WDR35: variants seen among roughly 807,000 people sequenced by gnomAD.
WDR35 encodes WD repeat-containing protein 35.
In WDR35, 118 loss-of-function variants were observed where a neutral mutation model predicts 158.3. That is an observed-to-expected ratio of 0.75 (90% CI 0.64 to 0.87). The LOEUF (loss-of-function observed/expected upper bound fraction) is 0.87. Among genes scored for constraint, WDR35 ranks in the 40% least tolerant of loss-of-function variants. The pLI is 0.00. For missense variants in WDR35, 1,263 were observed against 1,405.8 expected, an observed-to-expected ratio of 0.90 and a Z score of 1.62; for synonymous variants, 448 against 476.1, an observed-to-expected ratio of 0.94 and a Z score of 0.77.
At chr2:19,972,458 C>T (rs1015194214) in intron 8 of WDR35, among the ~76,000 whole-genome samples, 4 of 151,606 alleles carry the variant, frequency 2.6e-5, no homozygotes, top group Non-Finnish European at 4.4e-5. Context: ...TGGCAACCAA[C>T]AAAAATAACC....
intron 13 of WDR35, 21 bp downstream of exon 13, chr2:19,951,394 G>A (rs1671231323): frequency 1.3e-6 from 2 of 1,582,676 alleles, no homozygotes; most frequent in Non-Finnish European, 8.6e-7. Context: ...AACATTTTCT[G>A]GAAAAATTAA....
chr2:19,949,572 T>C (rs1671169085), intron 13 of WDR35, among the ~76,000 whole-genome samples: 1 of 152,198 alleles, frequency 6.6e-6, no homozygotes, highest in African/African-American at 2.4e-5. Context: ...AATTCAGTTC[T>C]TCAGTTGAAC....
chr2:19,944,334 C>T (rs1387723472), intron 16 of WDR35, among the ~76,000 whole-genome samples: 2 of 152,120 alleles, frequency 1.3e-5, no homozygotes, highest in Non-Finnish European at 2.9e-5. Flanking sequence ...GTTAAAACTA[C>T]TTAAGAAACT....
chr2:19,950,248 A>G (rs899424248), intron 13 of WDR35, among the ~76,000 whole-genome samples: 2 of 152,202 alleles, frequency 1.3e-5, no homozygotes, highest in Non-Finnish European at 2.9e-5. Flanking sequence ...TAGTTTCATG[A>G]AAGCCAAGAA....
intron 8 of WDR35, among the ~76,000 whole-genome samples, chr2:19,970,347 G>A (rs1487157836): frequency 6.6e-6 from 1 of 152,000 alleles, no homozygotes; most frequent in Non-Finnish European, 1.5e-5. Context: ...CACAACCAAC[G>A]AGTCACCAAG....
intron 25 of WDR35, among the ~76,000 whole-genome samples, chr2:19,916,480 G>A (rs1669995447): frequency 6.6e-6 from 1 of 152,232 alleles, no homozygotes; most frequent in African/African-American, 2.4e-5. Flanking sequence ...GTAAGCTCAA[G>A]ATCCACTGGC....
chr2:19,983,084 C>A (rs943624707), intron 2 of WDR35, among the ~76,000 whole-genome samples: 2 of 152,140 alleles, frequency 1.3e-5, no homozygotes, highest in Non-Finnish European at 2.9e-5. Context: ...CTCACATACA[C>A]ATAAATGTAA....
intron 8 of WDR35, 125 bp downstream of exon 8, chr2:19,973,438 T>C: frequency 9.4e-7 from 1 of 1,065,224 alleles, no homozygotes; most frequent in Admixed American, 2.4e-5. Flanking sequence ...ATTTATACTA[T>C]GAAGATGAAA....
intron 13 of WDR35, among the ~76,000 whole-genome samples, chr2:19,950,170 A>C (rs1172258342): frequency 1.3e-5 from 2 of 152,234 alleles, no homozygotes; most frequent in Non-Finnish European, 2.9e-5. Flanking sequence ...TATCACAATA[A>C]GTGATGCATA....
intron 4 of WDR35, 80 bp downstream of exon 4, chr2:19,980,611 G>T: frequency 8.8e-7 from 1 of 1,139,480 alleles, no homozygotes; most frequent in Non-Finnish European, 1.3e-6. Context: ...CTATTTTGGA[G>T]ATGTTATTTA....
At chr2:19,956,264 A>G (rs1215091904) in intron 11 of WDR35, among the ~76,000 whole-genome samples, 1 of 152,236 alleles carries the variant, frequency 6.6e-6, no homozygotes, top group Non-Finnish European at 1.5e-5. Flanking sequence ...ATATAAAAGC[A>G]TTCTTCCAAC....
chr2:19,969,086 G>A (rs1227271067), intron 9 of WDR35, among the ~76,000 whole-genome samples: 2 of 152,218 alleles, frequency 1.3e-5, no homozygotes, highest in African/African-American at 4.8e-5. Context: ...CACAGCCACA[G>A]CTCTTGTGGG....
intron 25 of WDR35, among the ~76,000 whole-genome samples, chr2:19,919,181 C>A (rs1670082134): frequency 6.6e-6 from 1 of 151,948 alleles, no homozygotes. Flanking sequence ...GAGATTGAGA[C>A]CATCCTGGCT....
rs980651389 is a variant in WDR35, at chr2:19,934,375, C to T, written c.2548-864G>A. On this transcript the variant is annotated intron_variant, in intron 21 of 26. Transcript: ENST00000281405. The surrounding 1 kb of genome is among the most constrained non-coding windows in gnomAD (Gnocchi z 4.6). ...GGTGCAATTTCTTAACATCTTTGTC[C>T]TTTGAATATATATGTATATGTTTGT... Among the ~76,000 whole-genome samples the T allele has an allele frequency of 6.6e-6, 1 of 151,970 alleles. No homozygotes were observed. The highest frequency in any genetic ancestry group is 1.5e-5 in the Non-Finnish European group (1 of 67,992).
intron 10 of WDR35, 34 bp from the exon 11 acceptor site, chr2:19,960,648 C>T: frequency 6.7e-7 from 1 of 1,481,932 alleles, no homozygotes; most frequent in Non-Finnish European, 9.4e-7. Flanking sequence ...TATCAGAACT[C>T]CTGCTTATGA....
At chr2:19,929,132 T>C (rs1015221781) in intron 25 of WDR35, among the ~76,000 whole-genome samples, 1 of 152,212 alleles carries the variant, frequency 6.6e-6, no homozygotes, top group Non-Finnish European at 1.5e-5. Context: ...ATCCTTTCTT[T>C]ACACAAAGAG....
At chr2:19,967,011 A>G (rs1671876882) in intron 9 of WDR35, 102 bp from the exon 10 acceptor site, 3 of 1,159,006 alleles carry the variant, frequency 2.6e-6, no homozygotes, top group Non-Finnish European at 3.8e-6. Context: ...CTCTCAAAAT[A>G]TTGCAGATAT....
chr2:19,962,389 CAT>C (rs1671691699), intron 10 of WDR35: 1 of 1,554,588 alleles, frequency 6.4e-7, no homozygotes, highest in Non-Finnish European at 8.8e-7. Flanking sequence ...TCAAAAAAGA[CAT>C]GACTCAACCT....
In WDR35 at chr2:19,948,276, G is replaced by A. The variant is rs561427579; in HGVS notation, c.1471-59C>T. 20 of 1,431,664 alleles carry A rather than the reference G, an allele frequency of 1.4e-5. 1 individual carries two copies. The Admixed American group carries it at 2.6e-4, about 19-fold the overall frequency. The allele number at this position is 1,431,664 out of a possible 1,614,324, so 88.7% of individuals were successfully genotyped here. On this transcript the variant is annotated intron_variant, in intron 13 of 26. Transcript: ENST00000281405. ...AAACATTTATTGAATAACTAACCTGGTACAACGTAGTATGCAATTCACTAA... is the reference window on the plus strand; with the variant it reads ...AAACATTTATTGAATAACTAACCTGATACAACGTAGTATGCAATTCACTAA...
Sources: allele counts gnomAD v4.1 joint callset (sites outside exome capture counted in the v4.1 genomes callset), GRCh38; gene constraint gnomAD v4.1.1; non-coding constraint Gnocchi (gnomAD v3.1); transcripts MANE v1.5; gene names NCBI Gene and HGNC (gene_info 2026-07-23, HGNC 2026-07-21).